SAMD12: variants seen among roughly 807,000 people sequenced by gnomAD.
SAMD12 encodes sterile alpha motif domain containing 12.
A neutral mutation model predicts 15.0 loss-of-function variants in SAMD12; 9 were observed. The ratio of observed to expected loss-of-function variants is 0.60; its 90% CI spans 0.36 to 1.05. The LOEUF (loss-of-function observed/expected upper bound fraction) is 1.05, where lower values mean the gene tolerates loss of function less well. Among genes scored for constraint, SAMD12 ranks in the 50% least tolerant of loss-of-function variants. The pLI, the probability that SAMD12 is intolerant of heterozygous loss-of-function variation, is 0.01. For missense variants in SAMD12, 230 were observed against 234.2 expected (o/e 0.98, Z 0.12); for synonymous variants, 86 against 90.1 (o/e 0.96, Z 0.25).
intron 2 of SAMD12, among the ~76,000 whole-genome samples, chr8:118,447,524 C>A (rs144298265): frequency 1.3e-5 from 2 of 151,614 alleles, no homozygotes; most frequent in Non-Finnish European, 2.9e-5. Flanking sequence ...AGGTTGGTCT[C>A]GAACTCCTGA....
chr8:118,568,924 G>C (rs1051441808), intron 2 of SAMD12, among the ~76,000 whole-genome samples: 1 of 152,082 alleles, frequency 6.6e-6, no homozygotes, highest in African/African-American at 2.4e-5. Flanking sequence ...CCACTGCTCT[G>C]TAATGCCAAT....
chr8:118,232,513 A>G (rs1812335705), intron 4 of SAMD12, among the ~76,000 whole-genome samples: 1 of 152,196 alleles, frequency 6.6e-6, no homozygotes, highest in Non-Finnish European at 1.5e-5. Flanking sequence ...GGGTAATAGC[A>G]TCTGCTATAT....
chr8:118,609,063 T>C (rs1309342732), intron 1 of SAMD12, among the ~76,000 whole-genome samples: 1 of 152,232 alleles, frequency 6.6e-6, no homozygotes, highest in African/African-American at 2.4e-5. Context: ...CTGAAATCAA[T>C]GTGAGCTATA....
At chr8:118,411,602 C>T (rs1253004350) in intron 3 of SAMD12, among the ~76,000 whole-genome samples, 1 of 135,890 alleles carries the variant, frequency 7.4e-6, no homozygotes, top group African/African-American at 2.8e-5. Flanking sequence ...AGGGGACCCA[C>T]AATAGTTAAA....
chr8:118,392,124 TA>T (rs911223243), intron 3 of SAMD12, among the ~76,000 whole-genome samples: 16 of 152,130 alleles, frequency 1.1e-4, no homozygotes, highest in African/African-American at 3.4e-4. Context: ...CTCACAGCGG[TA>T]AGCACAATAA....
intron 1 of SAMD12, among the ~76,000 whole-genome samples, chr8:118,600,237 G>T (rs540330237): frequency 6.6e-6 from 1 of 151,718 alleles, no homozygotes; most frequent in African/African-American, 2.4e-5. Context: ...TTTTAAAAAT[G>T]ATACTGCCTC....
intron 4 of SAMD12, among the ~76,000 whole-genome samples, chr8:118,273,851 G>C (rs573169962): frequency 5.3e-5 from 8 of 152,248 alleles, no homozygotes; most frequent in Middle Eastern, 6.8e-3. Flanking sequence ...ACAGTCCTCA[G>C]GTAGGAACAG....
chr8:118,280,716 C>G (rs765523443), intron 4 of SAMD12, among the ~76,000 whole-genome samples: 2 of 152,158 alleles, frequency 1.3e-5, no homozygotes, highest in Non-Finnish European at 2.9e-5. Context: ...CCAGGGAACA[C>G]ACATAGATGG....
intron 2 of SAMD12, among the ~76,000 whole-genome samples, chr8:118,464,354 G>A (rs1004719910): frequency 1.3e-5 from 2 of 152,048 alleles, no homozygotes; most frequent in Non-Finnish European, 2.9e-5. Flanking sequence ...ATTTCCACTC[G>A]CCCACGACAG....
chr8:118,437,151 T>C (rs1407605855), intron 3 of SAMD12, among the ~76,000 whole-genome samples: 1 of 152,180 alleles, frequency 6.6e-6, no homozygotes, highest in African/African-American at 2.4e-5. Flanking sequence ...GCTTCTAGCA[T>C]CATAGGGCTG....
chr8:118,344,671 G>A (rs1586570146), intron 4 of SAMD12, among the ~76,000 whole-genome samples: 1 of 152,160 alleles, frequency 6.6e-6, no homozygotes, highest in East Asian at 1.9e-4. Context: ...AACACACCAT[G>A]TCATAGCTCG....
chr8:118,137,938 T>TA, the SAMD12 span, among the ~76,000 whole-genome samples: 1 of 151,884 alleles, frequency 6.6e-6, no homozygotes, highest in East Asian at 1.9e-4. Context: ...TTTTTTTTTT[T>TA]ACTTATGAGC....
chr8:118,606,609 T>C (rs181948719), intron 1 of SAMD12, among the ~76,000 whole-genome samples: 51 of 150,408 alleles, frequency 3.4e-4, no homozygotes, highest in African/African-American at 1.2e-3. Context: ...AAAAAAAACA[T>C]CCCTGGCCAG....
At chr8:118,186,589 C>T (rs1297452015), downstream of SAMD12, among the ~76,000 whole-genome samples, 2 of 151,098 alleles carry the variant, frequency 1.3e-5, no homozygotes, top group African/African-American at 2.4e-5. Flanking sequence ...ATTTCACAGC[C>T]CTGGGGCAAG....
chr8:118,256,940 C>T (rs1193129791), intron 4 of SAMD12, among the ~76,000 whole-genome samples: 1 of 152,050 alleles, frequency 6.6e-6, no homozygotes, highest in Non-Finnish European at 1.5e-5. Flanking sequence ...TCCTGTTTTG[C>T]TAAACTTCTG....
intron 4 of SAMD12, among the ~76,000 whole-genome samples, chr8:118,250,503 A>ATTTTT (rs112780663): frequency 7.2e-6 from 1 of 138,752 alleles, no homozygotes; most frequent in African/African-American, 2.6e-5. Flanking sequence ...GCAAAAATGG[A>ATTTTT]TTTTTTTTTT....
intron 2 of SAMD12, among the ~76,000 whole-genome samples, chr8:118,464,950 T>C (rs11985193): frequency 0.13 from 19,960 of 152,184 alleles, 1,493 homozygotes; most frequent in African/African-American, 0.19. Flanking sequence ...TTGTCTTCAC[T>C]AAATGGTTTG....
At chr8:118,349,213 A>G (rs866827573) in intron 4 of SAMD12, among the ~76,000 whole-genome samples, 6 of 152,284 alleles carry the variant, frequency 3.9e-5, no homozygotes, top group Middle Eastern at 3.4e-3. Flanking sequence ...ATGCCTTAAC[A>G]CCTTTTGTTT....
At chr8:118,256,173 A>G (rs1025833764) in intron 4 of SAMD12, among the ~76,000 whole-genome samples, 3 of 152,108 alleles carry the variant, frequency 2.0e-5, no homozygotes, top group Non-Finnish European at 4.4e-5. Context: ...GTGTCTGTTC[A>G]TGTCCTTTGC....
Sources: allele counts gnomAD v4.1 joint callset (sites outside exome capture counted in the v4.1 genomes callset), GRCh38; gene constraint gnomAD v4.1.1; transcripts MANE v1.5; gene names NCBI Gene and HGNC (gene_info 2026-07-23, HGNC 2026-07-21).